The following GREB1L variants were observed in gnomAD, a reference collection of about 807,000 sequenced individuals.
The protein encoded by GREB1L is GREB1-like protein.
Under a neutral mutation model 200.8 loss-of-function variants are expected in GREB1L, and 17 were observed. The observed-to-expected ratio is 0.08, with a 90% CI of 0.06 to 0.13. The LOEUF is 0.13. Among genes scored for constraint, GREB1L ranks in the 10% least tolerant of loss-of-function variants. The pLI is 1.00. For missense variants in GREB1L, 1,657 were observed against 2,367.7 expected, an observed-to-expected ratio of 0.70 and a Z score of 6.23; for synonymous variants, 789 against 893.0, an observed-to-expected ratio of 0.88 and a Z score of 2.08.
chr18:21,309,996 T>C (rs2038765980), intron 1 of GREB1L, among the ~76,000 whole-genome samples: 1 of 152,210 alleles, frequency 6.6e-6, no homozygotes, highest in South Asian at 2.1e-4. Flanking sequence ...ACCTGTCCAG[T>C]AGAACTTTCT....
At chr18:21,503,297 C>G (rs1001041240) in intron 23 of GREB1L, among the ~76,000 whole-genome samples, 3 of 151,476 alleles carry the variant, frequency 2.0e-5, no homozygotes, top group Admixed American at 6.6e-5. Flanking sequence ...ACCTCTGCCT[C>G]CTGGGTTCAA....
At chr18:21,351,590 A>G (rs1457223358) in intron 1 of GREB1L, among the ~76,000 whole-genome samples, 1 of 151,620 alleles carries the variant, frequency 6.6e-6, no homozygotes, top group Non-Finnish European at 1.5e-5. Flanking sequence ...AAAAAAAGGC[A>G]CAGAGATGGA....
At chr18:21,274,019 G>T (rs2038121825) in intron 1 of GREB1L, among the ~76,000 whole-genome samples, 1 of 152,070 alleles carries the variant, frequency 6.6e-6, no homozygotes, top group Non-Finnish European at 1.5e-5. Flanking sequence ...GTGCATTTTG[G>T]TTGCTATAAC....
Position 21,363,364 on chromosome 18 carries a change from G to A in GREB1L, c.-119-2663G>A, listed in dbSNP as rs1567952103. On this transcript the variant is annotated intron_variant, in intron 1 of 32. Transcript: ENST00000424526. ...TTGCCCCGATATAAAAGCATTGGGT[G>A]GGGAAAAGTGAGTTACAGAGTGAAA... 2.7e-5 allele frequency among the ~76,000 whole-genome samples: 4 copies of A among 146,094 alleles called. No individual in the cohort carries two copies. In the South Asian group the frequency reaches 8.7e-4, roughly 32 times the overall value.
intron 1 of GREB1L, among the ~76,000 whole-genome samples, chr18:21,327,805 C>T (rs1163365383): frequency 5.9e-5 from 9 of 151,924 alleles, no homozygotes; most frequent in Non-Finnish European, 8.8e-5. Context: ...CTCTGCCTCC[C>T]GGGTTCACGC....
intron 1 of GREB1L, among the ~76,000 whole-genome samples, chr18:21,265,632 G>A (rs2037954812): frequency 6.6e-6 from 1 of 152,066 alleles, no homozygotes; most frequent in South Asian, 2.1e-4. Context: ...ATTATTTTGT[G>A]GAGACAAGGT....
intron 28 of GREB1L, 55 bp downstream of exon 28, chr18:21,514,041 T>G: frequency 6.9e-7 from 1 of 1,453,440 alleles, no homozygotes; most frequent in South Asian, 1.3e-5. Flanking sequence ...GACAATACAT[T>G]TCTTGACTAC....
chr18:21,366,970 G>A (rs1423788590), intron 2 of GREB1L, among the ~76,000 whole-genome samples: 1 of 152,140 alleles, frequency 6.6e-6, no homozygotes, highest in Non-Finnish European at 1.5e-5. Flanking sequence ...GGGAGCGGAG[G>A]AGGCAGAAGA....
intron 7 of GREB1L, among the ~76,000 whole-genome samples, chr18:21,438,960 C>CAAAAAAAAAAAA (rs59125788): frequency 1.5e-5 from 1 of 64,656 alleles, no homozygotes; most frequent in Non-Finnish European, 3.5e-5. Flanking sequence ...GACTCTGTCT[C>CAAAAAAAAAAAA]AAAAAAAAAA....
At chr18:21,254,855 T>G (rs2144020349) in intron 1 of GREB1L, among the ~76,000 whole-genome samples, 1 of 152,290 alleles carries the variant, frequency 6.6e-6, no homozygotes, top group Admixed American at 6.5e-5. Context: ...ATGTTCAGGC[T>G]AAATGCTTTT....
At chr18:21,376,812 CAAAA>C (rs534144361) in intron 2 of GREB1L, among the ~76,000 whole-genome samples, 1 of 59,642 alleles carries the variant, frequency 1.7e-5, no homozygotes, top group Non-Finnish European at 3.5e-5. Flanking sequence ...GAGTCCGTCT[CAAAA>C]AAAAAAAAAA....
chr18:21,268,597 GTA>G lies in GREB1L; in HGVS notation c.-120+26214_-120+26215del, dbSNP rs1196913438. On this transcript the variant is annotated intron_variant, in intron 1 of 32. Transcript: ENST00000424526. ...TATATATATATATATATATATACAT[GTA>G]TATATATATGTTTTTTCAGGCAGGG... Among the ~76,000 whole-genome samples, 431 of 62,980 alleles carry G rather than the reference GTA, an allele frequency of 6.8e-3. 5 individuals are homozygous for G. The highest frequency in any genetic ancestry group is 0.022 in the African/African-American group (408 of 18,868). The allele number at this position is 62,980 out of a possible 152,430, so 41.3% of individuals were successfully genotyped here. A position where few individuals can be genotyped will look rare whatever the true frequency, so the allele number is the denominator to read the frequency against.
intron 1 of GREB1L, among the ~76,000 whole-genome samples, chr18:21,278,329 G>A (rs560791145): frequency 7.4e-5 from 11 of 147,888 alleles, no homozygotes; most frequent in Middle Eastern, 3.5e-3. Flanking sequence ...TCAGTGAGCC[G>A]AGATCGTGCC....
intron 1 of GREB1L, among the ~76,000 whole-genome samples, chr18:21,336,748 A>G (rs1315204170): frequency 6.6e-6 from 1 of 152,180 alleles, no homozygotes; most frequent in South Asian, 2.1e-4. Context: ...GCACGATGCT[A>G]TAGGCAGCGG....
rs1303502554 is a variant in GREB1L, at chr18:21,471,868, G to A, written c.2183-1163G>A. ...ACTCCTGGCCTCAAGTGGTGCGCCTGTCTTAGCTTCCCAAAGTGCTGGAAT... is the reference window on the plus strand; with the variant it reads ...ACTCCTGGCCTCAAGTGGTGCGCCTATCTTAGCTTCCCAAAGTGCTGGAAT... On this transcript the variant is annotated intron_variant, in intron 15 of 32. Coordinates refer to ENST00000424526, the MANE Select transcript of GREB1L (RefSeq NM_001142966.3). 7.9e-5 allele frequency among the ~76,000 whole-genome samples: 12 copies of A among 151,934 alleles called. 1 individual carries two copies. Among genetic ancestry groups the A allele is most frequent in the Admixed American group, 7.9e-4 (12 of 15,236 alleles).
At chr18:21,420,828 G>C (rs1372733473) in intron 7 of GREB1L, among the ~76,000 whole-genome samples, 1 of 152,150 alleles carries the variant, frequency 6.6e-6, no homozygotes. Context: ...ACAAACACTT[G>C]TATACAATTG....
intron 7 of GREB1L, 110 bp downstream of exon 7, chr18:21,404,104 A>G (rs2041428440): frequency 5.1e-6 from 5 of 980,412 alleles, no homozygotes; most frequent in Admixed American, 2.5e-5. Context: ...TTCAAAATAA[A>G]GGTATTACTT....
chr18:21,356,399 C>A lies in GREB1L; in HGVS notation c.-119-9628C>A, dbSNP rs1359278672. 3.3e-5 allele frequency among the ~76,000 whole-genome samples: 5 copies of A among 152,138 alleles called. No individual in the cohort carries two copies. The South Asian group carries it at 8.3e-4, about 25-fold the overall frequency. The stretch of plus-strand genomic sequence containing the variant: ...TCAATGAGTTTGACTTTTTAAGATT[C>A]CATATATAATTGAGATTATACAGTA... On this transcript the variant is annotated intron_variant, in intron 1 of 32. Coordinates refer to ENST00000424526, the MANE Select transcript of GREB1L (RefSeq NM_001142966.3).
intron 1 of GREB1L, among the ~76,000 whole-genome samples, chr18:21,303,016 C>T (rs1257163855): frequency 1.3e-5 from 2 of 152,166 alleles, no homozygotes; most frequent in Non-Finnish European, 1.5e-5. Context: ...CCACTGTGCC[C>T]GGCCTAATTT....
Sources: gnomAD v4.1 joint callset for allele counts (sites outside exome capture counted in the v4.1 genomes callset) on GRCh38, gnomAD v4.1.1 for gene constraint, MANE v1.5 for transcripts, NCBI Gene and HGNC (gene_info 2026-07-23, HGNC 2026-07-21) for gene names.